Variants in USP6NL observed in about 807,000 individuals in gnomAD.
USP6NL encodes the protein USP6 N-terminal like, also known as USP6 N-terminal-like protein.
USP6NL carries 26 observed loss-of-function variants against 61.9 expected under a neutral mutation model. That is an observed-to-expected ratio of 0.42 (90% CI 0.31 to 0.58). USP6NL has a LOEUF of 0.58. Ranked by LOEUF, USP6NL falls within the 20% of genes least tolerant of loss-of-function variation. USP6NL has a pLI of 0.16. For missense variants in USP6NL, 1,114 were observed against 1,034.3 expected, an observed-to-expected ratio of 1.08 and a Z score of -1.06; for synonymous variants, 432 against 390.1, an observed-to-expected ratio of 1.11 and a Z score of -1.27.
chr10:11,488,817 C>G (rs1178352096), intron 10 of USP6NL, among the ~76,000 whole-genome samples: 1 of 152,178 alleles, frequency 6.6e-6, no homozygotes, highest in East Asian at 1.9e-4. Flanking sequence ...TTCTTAAATT[C>G]CTCCAAACCT....
chr10:11,565,222 C>T (rs988712346), intron 2 of USP6NL: 1 of 152,168 alleles, frequency 6.6e-6, no homozygotes, highest in African/African-American at 2.4e-5. Flanking sequence ...CTTTGTTAAA[C>T]ATATGCGATA....
At position 11,509,611 on chromosome 10, in the gene USP6NL, T is replaced by C. The variant is rs1480104515; in HGVS notation, c.260A>G (p.Tyr87Cys). 3.8e-6 allele frequency: 6 copies of C among 1,563,070 alleles called. No homozygotes were observed. Among genetic ancestry groups the C allele is most frequent in the Non-Finnish European group, 5.2e-6 (6 of 1,152,632 alleles). ...TTAAATTACCTTTTCAGTGTTCTTGTATTTTTCCCATCCTTTCAGCATTTT... is the reference window on the plus strand; with the variant it reads ...TTAAATTACCTTTTCAGTGTTCTTGCATTTTTCCCATCCTTTCAGCATTTT... ...WLKMLKGWEKYKNTEKFHRRI... is the reference protein window; with the variant it reads ...WLKMLKGWEKCKNTEKFHRRI... Residue 87 changes from tyrosine (Y) to cysteine (C), a missense_variant, in exon 6 of 15, where the codon TAC (tyrosine) becomes TGC (cysteine). Tyr to Cys is a radical substitution (Grantham distance 194). Transcript: ENST00000609104.
chr10:11,530,936 A>G (rs537424287), intron 2 of USP6NL, among the ~76,000 whole-genome samples: 1 of 152,348 alleles, frequency 6.6e-6, no homozygotes, highest in South Asian at 2.1e-4. Context: ...CTGTTGAAAG[A>G]ACCAACCGTG....
chr10:11,594,414 G>A (rs897164046), intron 2 of USP6NL, among the ~76,000 whole-genome samples: 3 of 152,166 alleles, frequency 2.0e-5, no homozygotes, highest in African/African-American at 7.2e-5. Context: ...GTTTGTCAGG[G>A]TAATTTTTTC....
rs571097296 is a variant in USP6NL at position 11,514,200 on chromosome 10, G to A, written c.195+4335C>T. 5.3e-5 allele frequency among the ~76,000 whole-genome samples: 8 copies of A among 149,722 alleles called. No individual in the cohort carries two copies. In the South Asian group the frequency reaches 1.7e-3, roughly 32 times the overall value. On this transcript the variant is annotated intron_variant, in intron 5 of 14. Transcript: ENST00000609104. ...ATGTTCCTTAACAACTCTACCCAAT[G>A]GTCTCATCATCCGTTGATGATTCCT... is the stretch of plus-strand genomic sequence containing the variant.
rs1838158641 is a variant in USP6NL, at chr10:11,591,565, A to G, written c.4+6066T>C. Among the ~76,000 whole-genome samples the G allele has an allele frequency of 6.6e-6, 1 of 152,152 alleles. No individual in the cohort carries two copies. The highest frequency in any genetic ancestry group is 1.5e-5 in the Non-Finnish European group (1 of 68,022). On this transcript the variant is annotated intron_variant, in intron 2 of 14. Transcript: ENST00000609104. This position sits in a 1 kb window ranked among gnomAD's most constrained non-coding sequence, Gnocchi z 4.7. ...AAATTAAATCACCAAATAAAAGGAA[A>G]ACAGACTTTCACAGAAAATGTTTTG...
In USP6NL at chr10:11,532,573, G is replaced by A. The variant is rs183715284; in HGVS notation, c.5-5006C>T. On this transcript the variant is annotated intron_variant, in intron 2 of 14. Coordinates refer to ENST00000609104, the MANE Select transcript of USP6NL (RefSeq NM_014688.5). This position sits in a 1 kb window ranked among gnomAD's most constrained non-coding sequence, Gnocchi z 4.1. Reference sequence around the variant, plus strand: ...AGCATTCCATCCGCTAACAAACAGCGGCTTGAAAGAAGCAGCTTCATAATG... The same window carrying A: ...AGCATTCCATCCGCTAACAAACAGCAGCTTGAAAGAAGCAGCTTCATAATG... 9.9e-5 allele frequency among the ~76,000 whole-genome samples: 15 copies of A among 152,208 alleles called. No individual in the cohort carries two copies. In the East Asian group the frequency reaches 1.9e-3, roughly 20 times the overall value.
At chr10:11,509,819 T>A (rs1834621814) in intron 5 of USP6NL, 144 bp from the exon 6 acceptor site, 4 of 655,336 alleles carry the variant, frequency 6.1e-6, no homozygotes, top group African/African-American at 1.8e-5. Context: ...AAAAGTTGGA[T>A]AATATCAGAA....
intron 7 of USP6NL, 106 bp from the exon 8 acceptor site, chr10:11,493,334 C>T (rs1309836473): frequency 2.2e-6 from 2 of 910,990 alleles, no homozygotes; most frequent in African/African-American, 1.7e-5. Flanking sequence ...TTAAAAAAAT[C>T]ACTCAATGGT....
In USP6NL at chr10:11,520,002, T is replaced by G. The variant is rs561400336; in HGVS notation, c.156-1428A>C. Among the ~76,000 whole-genome samples, 3 of 152,202 alleles carry G rather than the reference T, an allele frequency of 2.0e-5. No individual in the cohort carries two copies. Among genetic ancestry groups the G allele is most frequent in the Non-Finnish European group, 4.4e-5 (3 of 68,036 alleles). On this transcript the variant is annotated intron_variant, in intron 4 of 14. Coordinates refer to ENST00000609104, the MANE Select transcript of USP6NL (RefSeq NM_014688.5). This position sits in a 1 kb window ranked among gnomAD's most constrained non-coding sequence, Gnocchi z 5.2. Reference sequence around the variant, plus strand: ...ACTCTTTTTCTACTCTGAGGAGTCCTTAGGTGAACAATTACTACAGCCACA... The same window carrying G: ...ACTCTTTTTCTACTCTGAGGAGTCCGTAGGTGAACAATTACTACAGCCACA...
intron 4 of USP6NL, among the ~76,000 whole-genome samples, chr10:11,519,558 A>G (rs1395867273): frequency 6.6e-6 from 1 of 152,166 alleles, no homozygotes; most frequent in Non-Finnish European, 1.5e-5. Flanking sequence ...TGAACCCGGG[A>G]GGTGGAGGTT....
Position 11,592,036 on chromosome 10 carries a change from A to AT in USP6NL, c.4+5594dup, listed in dbSNP as rs1838171719. On this transcript the variant is annotated intron_variant, in intron 2 of 14. Coordinates refer to ENST00000609104, the MANE Select transcript of USP6NL (RefSeq NM_014688.5). This position sits in a 1 kb window ranked among gnomAD's most constrained non-coding sequence, Gnocchi z 4.7. ...CGGCACCCACCACCATGCCCAGCTA[A>AT]TTTTTTAGTATTTTTAGTAGAGACG... is the stretch of plus-strand genomic sequence containing the variant. Among the ~76,000 whole-genome samples the AT allele has an allele frequency of 6.6e-6, 1 of 151,884 alleles. No homozygotes were observed. The highest frequency in any genetic ancestry group is 6.6e-5 in the Admixed American group (1 of 15,244).
intron 6 of USP6NL, among the ~76,000 whole-genome samples, chr10:11,506,537 T>C (rs557585237): frequency 9.2e-5 from 14 of 152,074 alleles, no homozygotes; most frequent in African/African-American, 3.4e-4. Context: ...CAGTCCCAGC[T>C]ACTTGGGAAG....
At position 11,481,852 on chromosome 10, in the gene USP6NL, G is replaced by GA. The variant is rs780312965; in HGVS notation, c.995dup (p.Phe333LeufsTer2). 3 of 1,612,512 alleles carry GA rather than the reference G, an allele frequency of 1.9e-6. No homozygotes were observed. The highest frequency in any genetic ancestry group is 3.3e-5 in the Admixed American group (2 of 59,850). On this transcript the variant is annotated frameshift_variant, in exon 14 of 15. Transcript: ENST00000609104. LOFTEE classifies it high-confidence loss of function. This position sits in a 1 kb window ranked among gnomAD's most constrained non-coding sequence, Gnocchi z 4.4. ...GCTCTATCACAAAATCATCTTCAAA[G>GA]AAAAAATCCTTTGCCAGGGTCTCCT...
chr10:11,610,400 A>C (rs2133700841), intron 1 of USP6NL, among the ~76,000 whole-genome samples: 1 of 152,344 alleles, frequency 6.6e-6, no homozygotes, highest in East Asian at 1.9e-4. Flanking sequence ...AGATGACTTC[A>C]GGAAAGAAAA....
chr10:11,475,813 A>T (rs1832948800), intron 14 of USP6NL, among the ~76,000 whole-genome samples: 1 of 152,092 alleles, frequency 6.6e-6, no homozygotes, highest in Admixed American at 6.5e-5. Flanking sequence ...AATTAAAAAA[A>T]CTTTTATTTT....
intron 2 of USP6NL, among the ~76,000 whole-genome samples, chr10:11,593,532 G>C (rs1371591041): frequency 6.6e-6 from 1 of 152,112 alleles, no homozygotes; most frequent in Non-Finnish European, 1.5e-5. Flanking sequence ...TGTGATAAAT[G>C]TTAATATGCA....
Position 11,485,003 on chromosome 10 carries a change from G to A in USP6NL, c.893C>T (p.Ala298Val), listed in dbSNP as rs1282847149. 1.3e-6 allele frequency: 2 copies of A among 1,550,042 alleles called. No homozygotes were observed. Among genetic ancestry groups the A allele is most frequent in the Non-Finnish European group, 1.7e-6 (2 of 1,146,516 alleles). Residue 298 changes from alanine to valine, a missense_variant, in exon 13 of 15, where the codon GCT becomes GTT. Coordinates refer to ENST00000609104, the MANE Select transcript of USP6NL (RefSeq NM_014688.5). This position sits in a 1 kb window ranked among gnomAD's most constrained non-coding sequence, Gnocchi z 4.8. Reference protein sequence around the residue: ...YIFEGERVLTAMSYTILKLHK... With the variant: ...YIFEGERVLTVMSYTILKLHK... Reference sequence around the variant, plus strand: ...TAATTTTAAGATGGTGTAAGACATAGCAGTAAGAACTCGTTCTCCTTCAAA... The same window carrying A: ...TAATTTTAAGATGGTGTAAGACATAACAGTAAGAACTCGTTCTCCTTCAAA...
chr10:11,494,895 G>T (rs1415563034), intron 7 of USP6NL, among the ~76,000 whole-genome samples: 1 of 152,180 alleles, frequency 6.6e-6, no homozygotes, highest in Non-Finnish European at 1.5e-5. Flanking sequence ...CAGCATCACA[G>T]GGAGACGGTT....
Sources: gnomAD v4.1 joint callset for allele counts (sites outside exome capture counted in the v4.1 genomes callset) on GRCh38, gnomAD v4.1.1 for gene constraint, Gnocchi (gnomAD v3.1) non-coding constraint, MANE v1.5 for transcripts, NCBI Gene and HGNC (gene_info 2026-07-23, HGNC 2026-07-21) for gene names.